VEZT: variants seen among roughly 807,000 people sequenced by gnomAD.
VEZT encodes vezatin.
A neutral mutation model predicts 79.9 loss-of-function variants in VEZT; 39 were observed. That is an observed-to-expected ratio of 0.49 (90% CI 0.38 to 0.64). The LOEUF (loss-of-function observed/expected upper bound fraction) is 0.64. Ranked by LOEUF, VEZT falls within the 30% of genes least tolerant of loss-of-function variation. The pLI is 0.00. For synonymous variants in VEZT, 325 were observed against 327.6 expected, an observed-to-expected ratio of 0.99 and a Z score of 0.09; for missense variants, 837 against 893.1, an observed-to-expected ratio of 0.94 and a Z score of 0.80.
At chr12:95,235,721 C>A (rs2060031306) in intron 1 of VEZT, among the ~76,000 whole-genome samples, 1 of 150,700 alleles carries the variant, frequency 6.6e-6, no homozygotes, top group African/African-American at 2.4e-5. Flanking sequence ...GGGGGCTGAC[C>A]CCCACCTCCC....
At chr12:95,254,633 C>T (rs950254822) in intron 2 of VEZT, among the ~76,000 whole-genome samples, 4 of 152,108 alleles carry the variant, frequency 2.6e-5, no homozygotes, top group African/African-American at 9.7e-5. Flanking sequence ...CATGAGCCAC[C>T]ATGCCCGACC....
At chr12:95,266,665 A>G (rs1294662796) in intron 5 of VEZT, 33 bp downstream of exon 5, 1 of 1,526,600 alleles carries the variant, frequency 6.6e-7, no homozygotes, top group Non-Finnish European at 8.8e-7. Flanking sequence ...TTCTTAAATG[A>G]TTATTTTCTA....
chr12:95,269,154 A>G (rs1441192048), intron 5 of VEZT, among the ~76,000 whole-genome samples: 5 of 152,186 alleles, frequency 3.3e-5, no homozygotes, highest in African/African-American at 1.2e-4. Context: ...ACAAATGCCA[A>G]TATTTTGTTT....
chr12:95,298,614 C>A (rs1413008937), intron 11 of VEZT, among the ~76,000 whole-genome samples: 2 of 152,108 alleles, frequency 1.3e-5, no homozygotes, highest in South Asian at 2.1e-4. Flanking sequence ...GTATCCCTAG[C>A]GCAAAGATCA....
chr12:95,232,866 C>T (rs147908355), intron 1 of VEZT, among the ~76,000 whole-genome samples: 104 of 152,128 alleles, frequency 6.8e-4, no homozygotes, highest in Middle Eastern at 3.4e-3. Context: ...AGTGCAGTGA[C>T]GCAATCTCGG....
At chr12:95,251,680 T>G (rs2062631878) in intron 1 of VEZT, among the ~76,000 whole-genome samples, 1 of 152,218 alleles carries the variant, frequency 6.6e-6, no homozygotes, top group South Asian at 2.1e-4. Flanking sequence ...TCATTTTTTC[T>G]TGCTGGTACT....
intron 8 of VEZT, chr12:95,286,272 G>A: frequency 5.9e-6 from 2 of 339,272 alleles, no homozygotes; most frequent in South Asian, 4.9e-5. Flanking sequence ...GATTACAGGT[G>A]TGAGCCACCG....
In VEZT at chr12:95,257,184, A is replaced by G; in HGVS notation, c.203A>G (p.Lys68Arg). Reference sequence around the variant, plus strand: ...CTGTTAAAAGTGGCTGAAACCATCAAAAGTTGGATTTTTTTTTCTCAGTGC... The same window carrying G: ...CTGTTAAAAGTGGCTGAAACCATCAGAAGTTGGATTTTTTTTTCTCAGTGC... ...GILLKVAETI[K>R]SWIFFSQCNK... Residue 68 changes from lysine (K) to arginine (R), a missense_variant, in exon 3 of 12, where the codon AAA (lysine) becomes AGA (arginine). Transcript: ENST00000436874. 1 of 1,611,994 alleles carries G rather than the reference A, an allele frequency of 6.2e-7. No individual in the cohort carries two copies. The highest frequency in any genetic ancestry group is 8.5e-7 in the Non-Finnish European group (1 of 1,179,128).
At chr12:95,247,390 T>C (rs1470065628) in intron 1 of VEZT, among the ~76,000 whole-genome samples, 1 of 152,184 alleles carries the variant, frequency 6.6e-6, no homozygotes, top group Non-Finnish European at 1.5e-5. Context: ...GAAGCAGATA[T>C]AAGTATCCGG....
chr12:95,274,700 T>G, intron 6 of VEZT, 42 bp from the exon 7 acceptor site: 2 of 1,575,136 alleles, frequency 1.3e-6, no homozygotes, highest in Non-Finnish European at 1.7e-6. Context: ...TCTTTTATGC[T>G]TTCATGAAAA....
chr12:95,225,449 C>T (rs1434683703), intron 1 of VEZT, among the ~76,000 whole-genome samples: 1 of 151,868 alleles, frequency 6.6e-6, no homozygotes, highest in Admixed American at 6.6e-5. Flanking sequence ...CCCAGCTACT[C>T]GGGAGGCTGA....
intron 2 of VEZT, among the ~76,000 whole-genome samples, chr12:95,253,235 G>A (rs2062898802): frequency 6.6e-6 from 1 of 152,198 alleles, no homozygotes; most frequent in Admixed American, 6.5e-5. Context: ...ACTATTGAGA[G>A]GAGCATTTAA....
intron 1 of VEZT, among the ~76,000 whole-genome samples, chr12:95,240,118 G>A (rs1364221779): frequency 6.6e-6 from 1 of 152,114 alleles, no homozygotes; most frequent in Non-Finnish European, 1.5e-5. Flanking sequence ...AATGACTACT[G>A]AGTTGGAAGA....
intron 5 of VEZT, among the ~76,000 whole-genome samples, chr12:95,266,985 T>A (rs1158830435): frequency 6.6e-6 from 1 of 152,240 alleles, no homozygotes; most frequent in Non-Finnish European, 1.5e-5. Context: ...TTACTCCCTT[T>A]CAAATGCCTT....
chr12:95,287,519 T>C (rs1226028951), intron 8 of VEZT, 145 bp from the exon 9 acceptor site: 1 of 654,348 alleles, frequency 1.5e-6, no homozygotes, highest in East Asian at 3.1e-5. Context: ...CCCAAGCTGG[T>C]TTTGAACTCC....
intron 1 of VEZT, among the ~76,000 whole-genome samples, chr12:95,237,950 G>T (rs1026815015): frequency 3.9e-5 from 6 of 152,180 alleles, no homozygotes; most frequent in Non-Finnish European, 7.3e-5. Flanking sequence ...AGATTCTGTA[G>T]CTTCTATGAA....
chr12:95,259,191 G>GTTTTTTTTTT, intron 3 of VEZT, among the ~76,000 whole-genome samples: 1 of 147,624 alleles, frequency 6.8e-6, no homozygotes, highest in African/African-American at 2.5e-5. Flanking sequence ...AATACTTTCT[G>GTTTTTTTTTT]TTTTTTTTTT....
intron 1 of VEZT, among the ~76,000 whole-genome samples, chr12:95,228,301 A>G (rs1169139525): frequency 6.6e-6 from 1 of 152,178 alleles, no homozygotes; most frequent in Non-Finnish European, 1.5e-5. Flanking sequence ...GTATTTTTAA[A>G]AGTTATTATG....
Position 95,266,525 on chromosome 12 carries a change from C to G in VEZT, c.603C>G (p.Ser201Arg), listed in dbSNP as rs764591677. 5.6e-6 allele frequency: 9 copies of G among 1,613,832 alleles called. No individual in the cohort carries two copies. The highest frequency in any genetic ancestry group is 7.6e-6 in the Non-Finnish European group (9 of 1,179,840). ...AKLQVTLKKY[S>R]VHLEDMATNS... Reference sequence around the variant, plus strand: ...TACAAGTGACCCTAAAAAAATACAGCGTTCATTTGGAAGATATGGCCACAA... The same window carrying G: ...TACAAGTGACCCTAAAAAAATACAGGGTTCATTTGGAAGATATGGCCACAA... Residue 201 changes from serine (S) to arginine (R), a missense_variant, in exon 5 of 12, where the codon AGC becomes AGG. Physicochemically the swap from Ser to Arg is moderately radical, Grantham distance 110. Coordinates refer to ENST00000436874, the MANE Select transcript of VEZT (RefSeq NM_017599.4).
Sources: allele counts gnomAD v4.1 joint callset (sites outside exome capture counted in the v4.1 genomes callset), GRCh38; gene constraint gnomAD v4.1.1; transcripts MANE v1.5; gene names NCBI Gene and HGNC (gene_info 2026-07-23, HGNC 2026-07-21).